Variants in FRMD4B observed in about 807,000 individuals in gnomAD.
FRMD4B encodes FERM domain-containing protein 4B.
In FRMD4B, 74 loss-of-function variants were observed where a neutral mutation model predicts 141.5. That is an observed-to-expected ratio of 0.52 (90% CI 0.43 to 0.63). The LOEUF is 0.63. FRMD4B is among the 30% of genes least tolerant of loss of function. The probability of loss-of-function intolerance (pLI) is 0.00; values close to 1 mark genes in which losing one functional copy is unlikely to be tolerated. For synonymous variants in FRMD4B, 506 were observed against 467.9 expected (o/e 1.08, Z -1.05); for missense variants, 1,366 against 1,253.4 (o/e 1.09, Z -1.36).
chr3:69,399,912 T>C (rs765235742), intron 2 of FRMD4B, among the ~76,000 whole-genome samples: 9 of 152,116 alleles, frequency 5.9e-5, no homozygotes, highest in Non-Finnish European at 4.4e-5. Context: ...TAGTATTAGG[T>C]TGGTACAAAA....
At chr3:69,357,082 G>C (rs572917279) in intron 1 of FRMD4B, among the ~76,000 whole-genome samples, 7 of 152,328 alleles carry the variant, frequency 4.6e-5, no homozygotes, top group Middle Eastern at 3.4e-3. Context: ...ATAAACACAG[G>C]ATTGGAGAGT....
At chr3:69,517,302 C>T (rs1700778009) in intron 1 of FRMD4B, among the ~76,000 whole-genome samples, 1 of 152,074 alleles carries the variant, frequency 6.6e-6, no homozygotes, top group Non-Finnish European at 1.5e-5. Flanking sequence ...CCCTTCATTC[C>T]ACTTTTTCCT....
chr3:69,286,733 T>A (rs938752566), intron 5 of FRMD4B, among the ~76,000 whole-genome samples: 1 of 152,118 alleles, frequency 6.6e-6, no homozygotes, highest in African/African-American at 2.4e-5. Flanking sequence ...AAGACCACAG[T>A]GAAGGCTTTT....
intron 1 of FRMD4B, among the ~76,000 whole-genome samples, chr3:69,495,097 C>G (rs531084293): frequency 6.6e-6 from 1 of 152,270 alleles, no homozygotes; most frequent in East Asian, 1.9e-4. Context: ...TTGGTCGCAG[C>G]ATCCAGGATG....
At chr3:69,479,640 T>A (rs1189937739) in intron 1 of FRMD4B, among the ~76,000 whole-genome samples, 1 of 152,168 alleles carries the variant, frequency 6.6e-6, no homozygotes, top group East Asian at 1.9e-4. Flanking sequence ...GCCCTTAACA[T>A]TTTTTCCTTC....
chr3:69,479,589 T>A (rs548679662), intron 1 of FRMD4B, among the ~76,000 whole-genome samples: 53 of 152,248 alleles, frequency 3.5e-4, no homozygotes, highest in Non-Finnish European at 7.1e-4. Context: ...ATTAGTCTGA[T>A]GGGCTTCCCT....
chr3:69,178,496 G>C (rs2092672561), intron 21 of FRMD4B, among the ~76,000 whole-genome samples: 2 of 151,886 alleles, frequency 1.3e-5, no homozygotes, highest in Non-Finnish European at 2.9e-5. Flanking sequence ...CTGGGAAACA[G>C]AGCCCAGTCT....
chr3:69,284,303 T>G (rs1380838033), intron 5 of FRMD4B, among the ~76,000 whole-genome samples: 1 of 152,210 alleles, frequency 6.6e-6, no homozygotes, highest in African/African-American at 2.4e-5. Context: ...GCACTCATCA[T>G]TCCATGCATG....
chr3:69,262,325 C>T (rs1222502884), intron 5 of FRMD4B, among the ~76,000 whole-genome samples: 2 of 152,202 alleles, frequency 1.3e-5, no homozygotes, highest in East Asian at 3.9e-4. Flanking sequence ...CATACATATA[C>T]ACTATGGCTC....
In FRMD4B at chr3:69,224,606, C is replaced by G; in HGVS notation, c.665+1G>C. 6.7e-7 allele frequency: 1 copy of G among 1,492,166 alleles called. No homozygotes were observed. 92.4% of individuals were successfully genotyped at this position (1,492,166 alleles called of 1,614,324 possible). On this transcript the variant is annotated splice_donor_variant, in intron 8 of 22. Transcript: ENST00000398540. LOFTEE classifies it high-confidence loss of function. ...ACACCTGTTATGTGGATTTGGCTTACCAGTAGGCAAGGGATGGATGCTCCT... is the reference window on the plus strand; with the variant it reads ...ACACCTGTTATGTGGATTTGGCTTAGCAGTAGGCAAGGGATGGATGCTCCT...
At chr3:69,511,270 A>G (rs888892387) in intron 1 of FRMD4B, among the ~76,000 whole-genome samples, 2 of 151,938 alleles carry the variant, frequency 1.3e-5, no homozygotes, top group Non-Finnish European at 2.9e-5. Context: ...ACCATGTTGG[A>G]TAAGTTTTTT....
chr3:69,539,396 G>T (rs1468646983), intron 1 of FRMD4B, among the ~76,000 whole-genome samples: 6 of 152,196 alleles, frequency 3.9e-5, no homozygotes, highest in African/African-American at 1.4e-4. Flanking sequence ...GGGAGTGGCT[G>T]TGAAGTTAAC....
chr3:69,216,427 CTCTTT>C, intron 10 of FRMD4B, 78 bp from the exon 11 acceptor site: 1 of 607,972 alleles, frequency 1.6e-6, no homozygotes, highest in Admixed American at 3.0e-5. Context: ...CCAATTTCAC[CTCTTT>C]TTTTTTTTTT....
intron 5 of FRMD4B, among the ~76,000 whole-genome samples, chr3:69,285,892 A>T (rs1575692901): frequency 6.6e-6 from 1 of 152,204 alleles, no homozygotes; most frequent in African/African-American, 2.4e-5. Context: ...GAAAAAAGAG[A>T]AAAATTTAAA....
At chr3:69,328,912 T>A (rs1412816718) in intron 1 of FRMD4B, among the ~76,000 whole-genome samples, 2 of 152,158 alleles carry the variant, frequency 1.3e-5, no homozygotes, top group Admixed American at 1.3e-4. Context: ...AAAATAGCCA[T>A]CTAGCAGCTC....
intron 1 of FRMD4B, among the ~76,000 whole-genome samples, chr3:69,385,245 C>A (rs1295492053): frequency 1.3e-5 from 2 of 151,956 alleles, no homozygotes; most frequent in African/African-American, 4.8e-5. Flanking sequence ...GTAGCCGGGC[C>A]ACCCCTCCCT....
chr3:69,199,031 G>A (rs1040683361), intron 11 of FRMD4B: 11 of 351,154 alleles, frequency 3.1e-5, no homozygotes, highest in Admixed American at 4.3e-5. Flanking sequence ...AGCACTTTGG[G>A]AGGCCGAGGC....
intron 7 of FRMD4B, chr3:69,228,614 C>A (rs1396150427): frequency 5.1e-6 from 2 of 389,578 alleles, no homozygotes; most frequent in Admixed American, 6.1e-5. Flanking sequence ...CTGGGAGGAT[C>A]TCTTGAGCCC....
chr3:69,197,575 G>A (rs55649892), intron 12 of FRMD4B: 117,186 of 147,584 alleles, frequency 0.79, 49,931 homozygotes, highest in Non-Finnish European at 0.94. Flanking sequence ...GGGGACGGGG[G>A]AGGAGAGAGG....
Sources: gnomAD v4.1 joint callset for allele counts (sites outside exome capture counted in the v4.1 genomes callset) on GRCh38, gnomAD v4.1.1 for gene constraint, MANE v1.5 for transcripts, NCBI Gene and HGNC (gene_info 2026-07-23, HGNC 2026-07-21) for gene names.